LDAH: variants seen among roughly 807,000 people sequenced by gnomAD.
The protein encoded by LDAH is lipid droplet-associated hydrolase.
In LDAH, 26 loss-of-function variants were observed where a neutral mutation model predicts 29.6. The observed-to-expected ratio is 0.88, with a 90% CI of 0.64 to 1.22. The LOEUF (loss-of-function observed/expected upper bound fraction) is 1.22. LDAH is among the 50% of genes most tolerant of loss of function. The pLI, the probability that LDAH is intolerant of heterozygous loss-of-function variation, is 0.00. For synonymous variants in LDAH, 117 were observed against 133.0 expected (o/e 0.88, Z 0.83); for missense variants, 344 against 387.3 (o/e 0.89, Z 0.94).
At chr2:20,775,795 C>T (rs72784369) in intron 3 of LDAH, among the ~76,000 whole-genome samples, 3,566 of 152,200 alleles carry the variant, frequency 0.023, 68 homozygotes, top group Non-Finnish European at 0.034. Flanking sequence ...TAATCAGTAC[C>T]TCTTTTATTA....
intron 5 of LDAH, among the ~76,000 whole-genome samples, chr2:20,703,396 C>T (rs1664090572): frequency 6.6e-6 from 1 of 152,276 alleles, no homozygotes; most frequent in African/African-American, 2.4e-5. Context: ...TATTGATTAC[C>T]CTTGCTGAGT....
In LDAH at chr2:20,790,347, G is replaced by T. The variant is rs36063668; in HGVS notation, c.206C>A (p.Ser69Tyr). ...FYVPFAKALY[S>Y]LTNRRFPVWT... ...AACTGGAAAGCGTCTGTTTGTCAAA[G>T]AGTATAAAGCCTTTGCAAATGGCAC... The change falls in exon 3 of 7, where the codon TCT becomes TAT. Residue 69 changes from serine to tyrosine, a missense_variant. Physicochemically the swap from Ser to Tyr is moderately radical, Grantham distance 144. Coordinates refer to ENST00000237822, the MANE Select transcript of LDAH (RefSeq NM_021925.4). 39 of 1,614,052 alleles carry T rather than the reference G, an allele frequency of 2.4e-5. No homozygotes were observed. Among genetic ancestry groups the T allele is most frequent in the Admixed American group, 2.2e-4 (13 of 60,004 alleles).
At chr2:20,728,537 T>C (rs1453463335) in intron 5 of LDAH, among the ~76,000 whole-genome samples, 1 of 151,704 alleles carries the variant, frequency 6.6e-6, no homozygotes, top group Non-Finnish European at 1.5e-5. Context: ...TGAGTGTTGC[T>C]CTCTCAGTTG....
chr2:20,718,384 A>T (rs1281435594), intron 5 of LDAH, among the ~76,000 whole-genome samples: 1 of 152,200 alleles, frequency 6.6e-6, no homozygotes, highest in East Asian at 1.9e-4. Context: ...CACATAAAAT[A>T]GACTTTAAGT....
At chr2:20,789,943 C>A (rs1670829810) in intron 3 of LDAH, among the ~76,000 whole-genome samples, 1 of 152,204 alleles carries the variant, frequency 6.6e-6, no homozygotes. Flanking sequence ...TGGTTGGGGA[C>A]TGCTTTTTCC....
intron 5 of LDAH, among the ~76,000 whole-genome samples, chr2:20,715,532 G>A (rs1192145948): frequency 2.0e-5 from 3 of 152,188 alleles, no homozygotes; most frequent in Admixed American, 6.5e-5. Context: ...TCTGGCCAGG[G>A]CAATCAGGCA....
At chr2:20,788,713 TA>T (rs1670730375) in intron 3 of LDAH, among the ~76,000 whole-genome samples, 1 of 152,118 alleles carries the variant, frequency 6.6e-6, no homozygotes, top group East Asian at 1.9e-4. Flanking sequence ...TCAAATTAAC[TA>T]AAGGAAACCC....
At chr2:20,730,189 A>G (rs2149418624) in intron 5 of LDAH, among the ~76,000 whole-genome samples, 1 of 152,300 alleles carries the variant, frequency 6.6e-6, no homozygotes, top group East Asian at 1.9e-4. Flanking sequence ...TGGCTTTACC[A>G]CAGTTTGTTT....
intron 1 of LDAH, among the ~76,000 whole-genome samples, chr2:20,822,743 G>A (rs1673420857): frequency 6.6e-6 from 1 of 152,082 alleles, no homozygotes; most frequent in Admixed American, 6.5e-5. Flanking sequence ...CTACTCCTCC[G>A]CGGGGGCACC....
At chr2:20,720,768 G>A (rs1341941202) in intron 5 of LDAH, among the ~76,000 whole-genome samples, 1 of 152,114 alleles carries the variant, frequency 6.6e-6, no homozygotes, top group Non-Finnish European at 1.5e-5. Flanking sequence ...AAATCAACAT[G>A]ATACTGGCAT....
chr2:20,804,903 C>T (rs1038745736), intron 1 of LDAH, among the ~76,000 whole-genome samples: 3 of 152,114 alleles, frequency 2.0e-5, no homozygotes, highest in African/African-American at 7.2e-5. Flanking sequence ...TTTTACTTCA[C>T]TAATAAATGC....
chr2:20,740,130 G>A lies in LDAH; in HGVS notation c.544C>T (p.Leu182Phe). The A allele has an allele frequency of 6.2e-7, 1 of 1,614,146 alleles. No homozygotes were observed. The highest frequency in any genetic ancestry group is 8.5e-7 in the Non-Finnish European group (1 of 1,179,990). Reference protein sequence around the residue: ...ESPNGRIATPLLCWFRYVLYV... With the variant: ...ESPNGRIATPFLCWFRYVLYV... The stretch of plus-strand genomic sequence containing the variant: ...AGAACATATCGAAACCAGCACAAAA[G>A]TGGAGTGGCAATTCTGCCATTGGGT... The change falls in exon 5 of 7, where the codon CTT becomes TTT. Residue 182 changes from leucine (L) to phenylalanine (F), a missense_variant. Physicochemically the swap from Leu to Phe is conservative, Grantham distance 22 (BLOSUM62 0). Coordinates refer to ENST00000237822, the MANE Select transcript of LDAH (RefSeq NM_021925.4).
At chr2:20,821,755 T>TA (rs890809753) in intron 1 of LDAH, among the ~76,000 whole-genome samples, 1 of 152,022 alleles carries the variant, frequency 6.6e-6, no homozygotes, top group Non-Finnish European at 1.5e-5. Flanking sequence ...CCCTAGAACT[T>TA]AAAGTATAAT....
chr2:20,729,542 C>G (rs1666253349), intron 5 of LDAH, among the ~76,000 whole-genome samples: 1 of 152,178 alleles, frequency 6.6e-6, no homozygotes, highest in Non-Finnish European at 1.5e-5. Context: ...GGTCCTCAAC[C>G]TTCTCAATGT....
chr2:20,786,108 G>T (rs1228586720), intron 3 of LDAH, among the ~76,000 whole-genome samples: 1 of 152,168 alleles, frequency 6.6e-6, no homozygotes, highest in East Asian at 1.9e-4. Flanking sequence ...TGGACATGAT[G>T]TATTAAGTAA....
chr2:20,728,595 TG>T (rs1361481744), intron 5 of LDAH, among the ~76,000 whole-genome samples: 3 of 152,092 alleles, frequency 2.0e-5, no homozygotes, highest in African/African-American at 7.2e-5. Flanking sequence ...ACCATAGTGA[TG>T]GTAAGGGCAA....
chr2:20,751,534 C>T (rs879748824), intron 4 of LDAH, among the ~76,000 whole-genome samples: 15 of 152,144 alleles, frequency 9.9e-5, no homozygotes, highest in Non-Finnish European at 2.1e-4. Flanking sequence ...TAACAATAAG[C>T]CACAATACAC....
chr2:20,743,507 T>G (rs1406191576), intron 4 of LDAH, among the ~76,000 whole-genome samples: 1 of 152,198 alleles, frequency 6.6e-6, no homozygotes, highest in Non-Finnish European at 1.5e-5. Context: ...GCTCCTTGTG[T>G]TGTTGTCATT....
At chr2:20,751,789 A>C (rs1196426141) in intron 4 of LDAH, among the ~76,000 whole-genome samples, 2 of 152,244 alleles carry the variant, frequency 1.3e-5, no homozygotes, top group Non-Finnish European at 2.9e-5. Context: ...AATCAGACGA[A>C]ATTGTAATTT....
Sources: gnomAD v4.1 joint callset for allele counts (sites outside exome capture counted in the v4.1 genomes callset) on GRCh38, gnomAD v4.1.1 for gene constraint, MANE v1.5 for transcripts, NCBI Gene and HGNC (gene_info 2026-07-23, HGNC 2026-07-21) for gene names.